LGSN: variants seen among roughly 807,000 people sequenced by gnomAD.
LGSN encodes lengsin, lens protein with glutamine synthetase domain.
In LGSN, 21 loss-of-function variants were observed where a neutral mutation model predicts 19.5. The ratio of observed to expected loss-of-function variants is 1.07; its 90% CI spans 0.76 to 1.55. The LOEUF (loss-of-function observed/expected upper bound fraction) is 1.55. Ranked by LOEUF, LGSN falls within the 40% of genes most tolerant of loss-of-function variation. The pLI, the probability that LGSN is intolerant of heterozygous loss-of-function variation, is 0.00. For synonymous variants in LGSN, 257 were observed against 215.6 expected, an observed-to-expected ratio of 1.19 and a Z score of -1.68; for missense variants, 673 against 608.5, an observed-to-expected ratio of 1.11 and a Z score of -1.12.
At chr6:63,300,267 C>T (rs936059429) in intron 1 of LGSN, among the ~76,000 whole-genome samples, 2 of 152,194 alleles carry the variant, frequency 1.3e-5, no homozygotes, top group African/African-American at 2.4e-5. Context: ...CAGATGGGCC[C>T]TGGCCTTCCT....
the LGSN span, among the ~76,000 whole-genome samples, chr6:63,412,563 A>G: frequency 6.1e-3 from 831 of 136,118 alleles, 23 homozygotes; most frequent in African/African-American, 0.015. Context: ...AGAAAGAAAG[A>G]AAGAAAGGAA....
the LGSN span, among the ~76,000 whole-genome samples, chr6:63,485,410 C>A: frequency 1.6e-4 from 24 of 152,274 alleles, no homozygotes; most frequent in African/African-American, 5.8e-4. Context: ...TGATATGTCC[C>A]ACATTTTCTT....
chr6:63,339,767 ATTG>A, the LGSN span, among the ~76,000 whole-genome samples: 3 of 151,520 alleles, frequency 2.0e-5, no homozygotes, highest in Admixed American at 1.3e-4. Context: ...TTCCTCTTTT[ATTG>A]TTTACTTTTA....
At chr6:63,503,551 C>A in the LGSN span, among the ~76,000 whole-genome samples, 1 of 152,190 alleles carries the variant, frequency 6.6e-6, no homozygotes, top group Non-Finnish European at 1.5e-5. Flanking sequence ...GGCCTGGTTT[C>A]AACCATATAT....
the LGSN span, among the ~76,000 whole-genome samples, chr6:63,373,525 G>A: frequency 2.0e-5 from 3 of 152,158 alleles, no homozygotes; most frequent in East Asian, 1.9e-4. Context: ...ATTAAGATAC[G>A]TTTACAAAAT....
At chr6:63,369,178 G>C in the LGSN span, among the ~76,000 whole-genome samples, 4 of 152,176 alleles carry the variant, frequency 2.6e-5, no homozygotes, top group Non-Finnish European at 4.4e-5. Flanking sequence ...CATCCATCCA[G>C]CATGATCTGT....
the LGSN span, among the ~76,000 whole-genome samples, chr6:63,407,047 A>C: frequency 6.6e-6 from 1 of 152,128 alleles, no homozygotes; most frequent in South Asian, 2.1e-4. Context: ...ATAGCTTACC[A>C]ACCAAAAAGA....
At chr6:63,464,951 G>A in the LGSN span, among the ~76,000 whole-genome samples, 1 of 151,170 alleles carries the variant, frequency 6.6e-6, no homozygotes, top group African/African-American at 2.4e-5. Flanking sequence ...GCTTGAACCT[G>A]GGATGCGGAG....
chr6:63,313,575 C>A (rs1768715042), intron 1 of LGSN, among the ~76,000 whole-genome samples: 1 of 152,124 alleles, frequency 6.6e-6, no homozygotes, highest in Non-Finnish European at 1.5e-5. Context: ...TGGCTTACAC[C>A]TGTAATCTCA....
the LGSN span, among the ~76,000 whole-genome samples, chr6:63,347,577 CATTT>C: frequency 6.6e-6 from 1 of 152,156 alleles, no homozygotes; most frequent in Non-Finnish European, 1.5e-5. Context: ...TTCATTCATT[CATTT>C]GTTTTCCAAG....
At chr6:63,379,535 A>C in the LGSN span, among the ~76,000 whole-genome samples, 43 of 152,330 alleles carry the variant, frequency 2.8e-4, no homozygotes, top group African/African-American at 1.0e-3. Flanking sequence ...TGTATTGCCA[A>C]TAAAATTGCC....
the LGSN span, among the ~76,000 whole-genome samples, chr6:63,503,451 T>A: frequency 6.6e-6 from 1 of 152,218 alleles, no homozygotes; most frequent in Non-Finnish European, 1.5e-5. Flanking sequence ...GGCTTCACGT[T>A]GACAAAATCC....
chr6:63,376,024 C>T, the LGSN span, among the ~76,000 whole-genome samples: 1 of 152,014 alleles, frequency 6.6e-6, no homozygotes, highest in Non-Finnish European at 1.5e-5. Flanking sequence ...TATAATAGTA[C>T]TGAATGATAT....
intron 2 of LGSN, among the ~76,000 whole-genome samples, chr6:63,292,468 A>G (rs978795923): frequency 1.3e-5 from 2 of 152,126 alleles, no homozygotes; most frequent in African/African-American, 4.8e-5. Context: ...GTCTTTGTTT[A>G]CCAAGGGGTT....
the LGSN span, chr6:63,572,642 C>T: frequency 2.4e-6 from 1 of 417,734 alleles, no homozygotes; most frequent in Non-Finnish European, 4.1e-6. Context: ...CTGCAGCCAC[C>T]GCCACCGCCT....
At chr6:63,445,895 G>A in the LGSN span, among the ~76,000 whole-genome samples, 6 of 151,912 alleles carry the variant, frequency 3.9e-5, no homozygotes, top group African/African-American at 1.2e-4. Context: ...AACCCCCACC[G>A]CCCCATGACC....
chr6:63,297,085 T>G (rs1768002638), intron 1 of LGSN, among the ~76,000 whole-genome samples: 1 of 152,126 alleles, frequency 6.6e-6, no homozygotes, highest in South Asian at 2.1e-4. Flanking sequence ...CTCACACATG[T>G]AATCCCAGCA....
At chr6:63,426,956 T>C in the LGSN span, among the ~76,000 whole-genome samples, 1 of 152,184 alleles carries the variant, frequency 6.6e-6, no homozygotes, top group African/African-American at 2.4e-5. Context: ...TGGACACAAC[T>C]AATGTCCTTT....
the LGSN span, among the ~76,000 whole-genome samples, chr6:63,326,751 A>G: frequency 6.6e-6 from 1 of 152,170 alleles, no homozygotes; most frequent in Non-Finnish European, 1.5e-5. Context: ...CTTTGAGTGC[A>G]GGGCCTGCCA....
Sources: allele counts gnomAD v4.1 joint callset (sites outside exome capture counted in the v4.1 genomes callset), GRCh38; gene constraint gnomAD v4.1.1; transcripts MANE v1.5; gene names NCBI Gene and HGNC (gene_info 2026-07-23, HGNC 2026-07-21).